TET2: variants seen among roughly 807,000 people sequenced by gnomAD.
The protein encoded by TET2 is tet methylcytosine dioxygenase 2, also known as methylcytosine dioxygenase TET2.
Under a neutral mutation model 142.9 loss-of-function variants are expected in TET2, and 299 were observed. That is an observed-to-expected ratio of 2.09 (90% CI 1.90 to 2.30). The LOEUF (loss-of-function observed/expected upper bound fraction) is 2.30. Among genes scored for constraint, TET2 ranks in the 30% most tolerant of loss-of-function variants. TET2 has a pLI of 0.00. For missense variants in TET2, 2,418 were observed against 2,378.0 expected, an observed-to-expected ratio of 1.02 and a Z score of -0.35; for synonymous variants, 819 against 849.0, an observed-to-expected ratio of 0.96 and a Z score of 0.61.
At chr4:105,190,751 T>C (rs1578589165) in intron 2 of TET2, 1 of 416,482 alleles carries the variant, frequency 2.4e-6, no homozygotes, top group South Asian at 5.3e-5. Flanking sequence ...ATTCTCAATG[T>C]CTATGGAGTT....
At chr4:105,222,457 G>C (rs1727895023) in intron 2 of TET2, among the ~76,000 whole-genome samples, 1 of 152,198 alleles carries the variant, frequency 6.6e-6, no homozygotes, top group South Asian at 2.1e-4. Context: ...TCATTTCTCT[G>C]ATGGCCAGTG....
chr4:105,273,023 C>T, intron 10 of TET2, 105 bp downstream of exon 10: 1 of 852,418 alleles, frequency 1.2e-6, no homozygotes. Context: ...CTGGGGTACA[C>T]ATGCAGGATG....
At chr4:105,173,255 C>G (rs1724575962) in intron 1 of TET2, among the ~76,000 whole-genome samples, 1 of 151,704 alleles carries the variant, frequency 6.6e-6, no homozygotes, top group African/African-American at 2.4e-5. Context: ...TGTGGTGGCT[C>G]ACGCCTGTGA....
chr4:105,199,732 C>T (rs1013860020), intron 2 of TET2, among the ~76,000 whole-genome samples: 1 of 152,106 alleles, frequency 6.6e-6, no homozygotes, highest in African/African-American at 2.4e-5. Flanking sequence ...TGTGTTGTTC[C>T]CCTCTGTGTC....
intron 6 of TET2, among the ~76,000 whole-genome samples, chr4:105,244,745 G>GCCACCACA (rs1292208056): frequency 3.3e-4 from 50 of 151,840 alleles, no homozygotes; most frequent in African/African-American, 1.1e-3. Context: ...ACAGGCATGT[G>GCCACCACA]CCACCACACC....
At chr4:105,259,309 G>T (rs1369999454) in intron 6 of TET2, among the ~76,000 whole-genome samples, 1 of 152,154 alleles carries the variant, frequency 6.6e-6, no homozygotes, top group Non-Finnish European at 1.5e-5. Flanking sequence ...GTGAGTGACT[G>T]AAAGGCAAAA....
rs112054859 is a variant in TET2, at chr4:105,236,854, A to G, written c.2912A>G (p.Glu971Gly). The change falls in exon 3 of 11, where the codon GAG (glutamate) becomes GGG (glycine). Residue 971 changes from glutamate (E) to glycine (G), a missense_variant. Transcript: ENST00000380013. ...EQQQTQQPQTESCHSQMHRPI... is the reference protein window; with the variant it reads ...EQQQTQQPQTGSCHSQMHRPI... Reference sequence around the variant, plus strand: ...CAGCAAACACAGCAACCCCAAACTGAGTCTTGCCATAGTCAGATGCACAGG... The same window carrying G: ...CAGCAAACACAGCAACCCCAAACTGGGTCTTGCCATAGTCAGATGCACAGG... 6.2e-7 allele frequency: 1 copy of G among 1,614,106 alleles called. No homozygotes were observed. The highest frequency in any genetic ancestry group is 8.5e-7 in the Non-Finnish European group (1 of 1,180,014).
intron 1 of TET2, among the ~76,000 whole-genome samples, chr4:105,185,281 C>T (rs1307051798): frequency 6.6e-6 from 1 of 151,990 alleles, no homozygotes; most frequent in Admixed American, 6.6e-5. Flanking sequence ...CTCCTACAAG[C>T]TTGTGGAGGC....
intron 6 of TET2, among the ~76,000 whole-genome samples, chr4:105,255,820 A>G (rs1209805991): frequency 6.6e-6 from 1 of 152,016 alleles, no homozygotes; most frequent in Non-Finnish European, 1.5e-5. Context: ...TTGATAAGGT[A>G]GGATTTGTCT....
At chr4:105,273,768 G>A (rs1167744533) in intron 10 of TET2, among the ~76,000 whole-genome samples, 2 of 152,130 alleles carry the variant, frequency 1.3e-5, no homozygotes, top group Non-Finnish European at 2.9e-5. Context: ...TGTGGTTTAG[G>A]AGGGGTTCTA....
At chr4:105,254,396 G>A (rs531145324) in intron 6 of TET2, among the ~76,000 whole-genome samples, 1 of 152,180 alleles carries the variant, frequency 6.6e-6, no homozygotes, top group East Asian at 1.9e-4. Context: ...GGGCACATTT[G>A]TTCATAATAT....
intron 1 of TET2, among the ~76,000 whole-genome samples, chr4:105,179,713 T>C (rs1190552990): frequency 6.6e-6 from 1 of 152,212 alleles, no homozygotes; most frequent in East Asian, 1.9e-4. Flanking sequence ...CATTCATGGC[T>C]CTCTAGGTGA....
chr4:105,185,652 G>A (rs183930603), intron 1 of TET2, among the ~76,000 whole-genome samples: 55 of 152,224 alleles, frequency 3.6e-4, no homozygotes, highest in African/African-American at 1.2e-3. Flanking sequence ...GGGGGCATGC[G>A]CCTGTAATCC....
chr4:105,158,811 G>GAA (rs57197640), intron 1 of TET2, among the ~76,000 whole-genome samples: 300 of 143,392 alleles, frequency 2.1e-3, no homozygotes, highest in African/African-American at 6.9e-3. Context: ...CTCTTTTTTG[G>GAA]AAAAAAAAAA....
At chr4:105,181,699 A>G (rs1432328124) in intron 1 of TET2, among the ~76,000 whole-genome samples, 1 of 152,226 alleles carries the variant, frequency 6.6e-6, no homozygotes, top group African/African-American at 2.4e-5. Flanking sequence ...ATCAACTTGT[A>G]AGTAGCAATA....
At chr4:105,265,493 T>A (rs1209164407) in intron 8 of TET2, among the ~76,000 whole-genome samples, 1 of 152,200 alleles carries the variant, frequency 6.6e-6, no homozygotes, top group Non-Finnish European at 1.5e-5. Flanking sequence ...TCTGTTTTTG[T>A]TCAAGAAACA....
intron 2 of TET2, among the ~76,000 whole-genome samples, chr4:105,210,856 C>G (rs1172915238): frequency 6.6e-6 from 1 of 152,180 alleles, no homozygotes; most frequent in Non-Finnish European, 1.5e-5. Flanking sequence ...CTCTAAACTT[C>G]ATGTATCTAT....
At chr4:105,243,153 A>C (rs745473142) in intron 5 of TET2, among the ~76,000 whole-genome samples, 1 of 152,242 alleles carries the variant, frequency 6.6e-6, no homozygotes, top group Non-Finnish European at 1.5e-5. Context: ...GGTCCATTCT[A>C]GTGCCTGCTA....
intron 6 of TET2, among the ~76,000 whole-genome samples, chr4:105,255,678 T>C (rs1436707774): frequency 6.6e-6 from 1 of 152,196 alleles, no homozygotes; most frequent in African/African-American, 2.4e-5. Flanking sequence ...TGTTACATCA[T>C]TTTAATGGCT....
Sources: allele counts gnomAD v4.1 joint callset (sites outside exome capture counted in the v4.1 genomes callset), GRCh38; gene constraint gnomAD v4.1.1; transcripts MANE v1.5; gene names NCBI Gene and HGNC (gene_info 2026-07-23, HGNC 2026-07-21).